The following GALR1 variants were observed in gnomAD, a reference collection of about 807,000 sequenced individuals.
GALR1 encodes galanin receptor type 1.
Under a neutral mutation model 17.9 loss-of-function variants are expected in GALR1, and 11 were observed. The observed-to-expected ratio is 0.62, with a 90% CI of 0.39 to 1.02. GALR1 has a LOEUF of 1.02. Among genes scored for constraint, GALR1 ranks in the 50% least tolerant of loss-of-function variants. The pLI is 0.01. For missense variants in GALR1, 441 were observed against 456.9 expected (o/e 0.97, Z 0.32); for synonymous variants, 206 against 205.7 (o/e 1.00, Z -0.01).
In GALR1 at chr18:77,250,599, GC is replaced by G. The variant is rs758903262; in HGVS notation, c.57del (p.Ala20ProfsTer23). The G allele has an allele frequency of 5.1e-6, 8 of 1,555,226 alleles. No homozygotes were observed. Among genetic ancestry groups the G allele is most frequent in the Middle Eastern group, 1.7e-4 (1 of 5,778 alleles). ...LSEGNASWPE[P>X]PAPEPGPLFG... ...GCGAGGGCAACGCGAGCTGGCCGGA[GC>G]CCCCCGCCCCGGAGCCCGGGCCGCT... On this transcript the variant is annotated frameshift_variant, in exon 1 of 3. Coordinates refer to ENST00000299727, the MANE Select transcript of GALR1 (RefSeq NM_001480.4). LOFTEE classifies it high-confidence loss of function.
chr18:77,260,690 A>G (rs915947362), intron 2 of GALR1, among the ~76,000 whole-genome samples: 1 of 152,228 alleles, frequency 6.6e-6, no homozygotes, highest in African/African-American at 2.4e-5. Flanking sequence ...CCATGTTTGG[A>G]GCAAGTGCAA....
chr18:77,265,889 T>G (rs1912935029), intron 2 of GALR1, among the ~76,000 whole-genome samples: 2 of 152,228 alleles, frequency 1.3e-5, no homozygotes, highest in African/African-American at 4.8e-5. Flanking sequence ...TGAAACCACT[T>G]TTCCTCCTAG....
Position 77,268,867 on chromosome 18 carries a change from G to A in GALR1, c.1015G>A (p.Asp339Asn). 1 of 1,613,282 alleles carries A rather than the reference G, an allele frequency of 6.2e-7. No individual in the cohort carries two copies. The highest frequency in any genetic ancestry group is 8.5e-7 in the Non-Finnish European group (1 of 1,179,374). Residue 339 changes from aspartate to asparagine, a missense_variant, in exon 3 of 3, where the codon GAC becomes AAC. Coordinates refer to ENST00000299727, the MANE Select transcript of GALR1 (RefSeq NM_001480.4). ...TACTAAAGAAAGTAAAAGTCGAATA[G>A]ACACCCCACCATCAACCAATTGTAC... ...SDTKESKSRI[D>N]TPPSTNCTHV
chr18:77,251,260 G>A (rs762911030), intron 1 of GALR1, 46 bp downstream of exon 1: 1 of 1,550,670 alleles, frequency 6.4e-7, no homozygotes, highest in Non-Finnish European at 8.7e-7. Context: ...AGGGCGGAGG[G>A]CCGGTGGGGG....
chr18:77,250,708 GT>G lies in GALR1; in HGVS notation c.161del (p.Val54GlyfsTer24), dbSNP rs752160814. The G allele has an allele frequency of 6.2e-7, 1 of 1,613,500 alleles. No individual in the cohort carries two copies. Among genetic ancestry groups the G allele is most frequent in the Non-Finnish European group, 8.5e-7 (1 of 1,179,954 alleles). On this transcript the variant is annotated frameshift_variant, in exon 1 of 3. Transcript: ENST00000299727. LOFTEE classifies it high-confidence loss of function. ...FALGVLGNSL[V>X]ITVLARSKPG... ...GCTGGGTGTGCTGGGCAACAGCCTA[GT>G]GATCACCGTGCTGGCGCGCAGCAAG...
chr18:77,262,137 TA>T (rs553778008), intron 2 of GALR1, among the ~76,000 whole-genome samples: 116 of 151,950 alleles, frequency 7.6e-4, no homozygotes, highest in African/African-American at 2.7e-3. Flanking sequence ...CTGAGCTTTT[TA>T]AAAAGGCAGA....
At chr18:77,252,896 T>TCACCACCATCACCAC (rs1568139005) in intron 1 of GALR1, among the ~76,000 whole-genome samples, 31 of 78,228 alleles carry the variant, frequency 4.0e-4, no homozygotes, top group East Asian at 1.4e-3. Flanking sequence ...ACCACCACCA[T>TCACCACCATCACCAC]CACCACCACC....
At chr18:77,256,098 A>G (rs1473087195) in intron 1 of GALR1, 60 bp from the exon 2 acceptor site, 2 of 848,374 alleles carry the variant, frequency 2.4e-6, no homozygotes, top group South Asian at 1.4e-5. Context: ...TGTTAATGCA[A>G]CATAGGCAGT....
In GALR1 at chr18:77,271,518, A is replaced by C. The variant is rs1291982055; in HGVS notation, c.*2616A>C. ...AGTATAGGAGTGTGTTGCGTTTGCC[A>C]AGCATCTGCTTCCCAGCTAGATTTC... On this transcript the variant is annotated 3_prime_UTR_variant, in exon 3 of 3. Coordinates refer to ENST00000299727, the MANE Select transcript of GALR1 (RefSeq NM_001480.4). 2.0e-5 allele frequency: 3 copies of C among 152,192 alleles called. No individual in the cohort carries two copies. Among genetic ancestry groups the C allele is most frequent in the Non-Finnish European group, 2.9e-5 (2 of 68,038 alleles). The allele number at this position is 152,192 out of a possible 1,614,324, so 9.4% of individuals were successfully genotyped here.
intron 1 of GALR1, among the ~76,000 whole-genome samples, chr18:77,251,857 C>CA (rs1411600074): frequency 1.3e-5 from 2 of 152,234 alleles, no homozygotes; most frequent in Non-Finnish European, 2.9e-5. Flanking sequence ...CTCCCGGGGA[C>CA]AGAGCCTCGA....
At chr18:77,252,908 C>CCACCACCAT (rs1912471106) in intron 1 of GALR1, among the ~76,000 whole-genome samples, 1 of 46,314 alleles carries the variant, frequency 2.2e-5, no homozygotes. Flanking sequence ...ACCACCACCA[C>CCACCACCAT]CACCACCACC....
chr18:77,265,788 G>A (rs888733938), intron 2 of GALR1, among the ~76,000 whole-genome samples: 14 of 152,318 alleles, frequency 9.2e-5, no homozygotes, highest in African/African-American at 3.4e-4. Context: ...GCGATGGCTT[G>A]AGCTATATGT....
At chr18:77,254,252 C>A (rs1171394124) in intron 1 of GALR1, among the ~76,000 whole-genome samples, 3 of 152,190 alleles carry the variant, frequency 2.0e-5, no homozygotes, top group Non-Finnish European at 4.4e-5. Flanking sequence ...TACCTACATT[C>A]TTCCTCCTTT....
chr18:77,266,673 G>A (rs1424936133), intron 2 of GALR1, among the ~76,000 whole-genome samples: 1 of 152,212 alleles, frequency 6.6e-6, no homozygotes, highest in Non-Finnish European at 1.5e-5. Flanking sequence ...ATAGCAGAAA[G>A]GGAAGCAAAC....
In GALR1 at chr18:77,270,991, C is replaced by T. The variant is rs1319255245; in HGVS notation, c.*2089C>T. On this transcript the variant is annotated 3_prime_UTR_variant, in exon 3 of 3. Coordinates refer to ENST00000299727, the MANE Select transcript of GALR1 (RefSeq NM_001480.4). The stretch of plus-strand genomic sequence containing the variant: ...CTTCTTTGGGTGTGAACTCACAAAA[C>T]TGTGTAAAGAAGTGCCTTCTTGTTG... The T allele has an allele frequency of 3.9e-5, 6 of 152,148 alleles. No homozygotes were observed. Among genetic ancestry groups the T allele is most frequent in the African/African-American group, 1.2e-4 (5 of 41,422 alleles). 9.4% of individuals were successfully genotyped at this position (152,148 alleles called of 1,614,324 possible). A position where few individuals can be genotyped will look rare whatever the true frequency, so the allele number is the denominator to read the frequency against.
chr18:77,252,962 C>CCATCACCAT (rs1912490298), intron 1 of GALR1, among the ~76,000 whole-genome samples: 1 of 54,300 alleles, frequency 1.8e-5, no homozygotes, highest in Non-Finnish European at 4.2e-5. Context: ...ACCACCATCA[C>CCATCACCAT]CACCACCATC....
At chr18:77,252,938 C>CCAT (rs1912481789) in intron 1 of GALR1, among the ~76,000 whole-genome samples, 2 of 46,550 alleles carry the variant, frequency 4.3e-5, no homozygotes, top group East Asian at 5.9e-4. Flanking sequence ...ACCACCACCA[C>CCAT]CACCACCACC....
chr18:77,271,249 C>CT lies in GALR1; in HGVS notation c.*2347_*2348insT, dbSNP rs1460408007. 8.6e-5 allele frequency: 9 copies of CT among 104,564 alleles called. No individual in the cohort carries two copies. Among genetic ancestry groups the CT allele is most frequent in the African/African-American group, 2.3e-4 (6 of 25,806 alleles). 6.5% of individuals were successfully genotyped at this position (104,564 alleles called of 1,614,324 possible). The stretch of plus-strand genomic sequence containing the variant: ...AAAGTAATAGCTTGCGCTTGAAACC[C>CT]CCCCCCCCCCGCCACTTTGCTAAAT... On this transcript the variant is annotated 3_prime_UTR_variant, in exon 3 of 3. Transcript: ENST00000299727.
chr18:77,251,732 G>A (rs1912422520), intron 1 of GALR1, among the ~76,000 whole-genome samples: 1 of 152,172 alleles, frequency 6.6e-6, no homozygotes, highest in Admixed American at 6.5e-5. Flanking sequence ...GCTCCCTCCC[G>A]GGCTCTCAGC....
Sources: allele counts gnomAD v4.1 joint callset (sites outside exome capture counted in the v4.1 genomes callset), GRCh38; gene constraint gnomAD v4.1.1; transcripts MANE v1.5; gene names NCBI Gene and HGNC (gene_info 2026-07-23, HGNC 2026-07-21).